The following HMGCLL1 variants were observed in gnomAD, a reference collection of about 807,000 sequenced individuals.
The protein encoded by HMGCLL1 is 3-hydroxymethyl-3-methylglutaryl-CoA lyase, cytoplasmic.
HMGCLL1 carries 36 observed loss-of-function variants against 39.1 expected under a neutral mutation model. That is an observed-to-expected ratio of 0.92 (90% CI 0.71 to 1.22). The LOEUF is 1.22. Ranked by LOEUF, HMGCLL1 falls within the 50% of genes most tolerant of loss-of-function variation. The pLI is 0.00. For synonymous variants in HMGCLL1, 149 were observed against 144.0 expected (o/e 1.03, Z -0.25); for missense variants, 451 against 416.5 (o/e 1.08, Z -0.72).
the HMGCLL1 span, among the ~76,000 whole-genome samples, chr6:55,663,137 A>G: frequency 6.6e-6 from 1 of 150,442 alleles, no homozygotes; most frequent in Non-Finnish European, 1.5e-5. Flanking sequence ...ATACTCCTGA[A>G]CTCATTAATC....
chr6:55,440,619 C>T (rs962025493), intron 7 of HMGCLL1, among the ~76,000 whole-genome samples: 7 of 152,102 alleles, frequency 4.6e-5, no homozygotes, highest in South Asian at 2.1e-4. Flanking sequence ...AAGCCTAATC[C>T]GATTCTTCAC....
At chr6:55,597,209 C>T in the HMGCLL1 span, among the ~76,000 whole-genome samples, 1 of 151,986 alleles carries the variant, frequency 6.6e-6, no homozygotes, top group Non-Finnish European at 1.5e-5. Flanking sequence ...CCATTACAAA[C>T]ATCATGTCAA....
chr6:55,554,775 G>C (rs976722318), intron 1 of HMGCLL1, among the ~76,000 whole-genome samples: 1 of 152,086 alleles, frequency 6.6e-6, no homozygotes, highest in African/African-American at 2.4e-5. Context: ...TTCTAAAACT[G>C]ATACTTAATC....
At chr6:55,511,159 C>T (rs1242494605) in intron 5 of HMGCLL1, among the ~76,000 whole-genome samples, 3 of 151,918 alleles carry the variant, frequency 2.0e-5, no homozygotes, top group Non-Finnish European at 4.4e-5. Context: ...GCCCTCTTAA[C>T]CTTTTACAAT....
chr6:55,665,897 T>C, the HMGCLL1 span, among the ~76,000 whole-genome samples: 1 of 151,860 alleles, frequency 6.6e-6, no homozygotes, highest in South Asian at 2.1e-4. Flanking sequence ...AAAGATAAAA[T>C]GATATACCTA....
rs116332290 is a variant in HMGCLL1, at chr6:55,492,751, C to T, written c.795+2668G>A. On this transcript the variant is annotated intron_variant, in intron 7 of 8. Coordinates refer to ENST00000274901, the MANE Select transcript of HMGCLL1 (RefSeq NM_001042406.2). ...TCTTATCCATGTATTTACACTGTGG[C>T]TATAAATTAAGCCCTGGGGCAATGT... 5.7e-3 allele frequency among the ~76,000 whole-genome samples: 874 copies of T among 152,266 alleles called. 7 individuals are homozygous for T. The highest frequency in any genetic ancestry group is 0.02 in the African/African-American group (818 of 41,560).
In HMGCLL1 at chr6:55,486,331, A is replaced by G. The variant is rs150316957; in HGVS notation, c.795+9088T>C. 4.0e-3 allele frequency among the ~76,000 whole-genome samples: 613 copies of G among 152,176 alleles called. 7 individuals carry two copies. Among genetic ancestry groups the G allele is most frequent in the African/African-American group, 0.014 (569 of 41,538 alleles). ...AACAATAAAGCAGTAGATGTAAAAT[A>G]TAGGTTTCATAGTACACACTATTTT... On this transcript the variant is annotated intron_variant, in intron 7 of 8. Coordinates refer to ENST00000274901, the MANE Select transcript of HMGCLL1 (RefSeq NM_001042406.2).
intron 5 of HMGCLL1, chr6:55,513,397 T>C (rs1195960243): frequency 6.6e-5 from 10 of 152,182 alleles, no homozygotes; most frequent in African/African-American, 2.4e-4. Context: ...CTGATACTCC[T>C]AAATTTATAG....
chr6:55,657,618 T>C, the HMGCLL1 span, among the ~76,000 whole-genome samples: 2 of 152,056 alleles, frequency 1.3e-5, no homozygotes, highest in East Asian at 1.9e-4. Context: ...GTCATGTTCA[T>C]TGTAGCACTA....
the HMGCLL1 span, among the ~76,000 whole-genome samples, chr6:55,641,357 ACCAAAAAGGTGGG>A: frequency 6.6e-6 from 1 of 152,030 alleles, no homozygotes; most frequent in African/African-American, 2.4e-5. Context: ...TGATCTACTG[ACCAAAAAGGTGGG>A]CCCATTTACT....
intron 7 of HMGCLL1, among the ~76,000 whole-genome samples, chr6:55,461,219 AT>A (rs906919076): frequency 5.8e-4 from 88 of 151,530 alleles, no homozygotes; most frequent in Middle Eastern, 3.4e-3. Flanking sequence ...GGAAGTAAAG[AT>A]TTTTTTTTAT....
rs972357600 is a variant in HMGCLL1, at chr6:55,576,948, A to C, written c.108+2000T>G. The stretch of plus-strand genomic sequence containing the variant: ...CAGCTGAACATCTGGACTGGAATTC[A>C]AGAGAAATAGGGGAATGTAAGTCTA... On this transcript the variant is annotated intron_variant, in intron 1 of 8. Transcript: ENST00000274901. The C allele has an allele frequency of 2.4e-6, 3 of 1,254,930 alleles. No individual in the cohort carries two copies. The African/African-American group carries it at 4.4e-5, about 19-fold the overall frequency. The allele number at this position is 1,254,930 out of a possible 1,614,324, so 77.7% of individuals were successfully genotyped here.
At chr6:55,646,301 G>A in the HMGCLL1 span, among the ~76,000 whole-genome samples, 1 of 151,124 alleles carries the variant, frequency 6.6e-6, no homozygotes, top group African/African-American at 2.4e-5. Context: ...TAGTTACTCT[G>A]GCTAAAGTTT....
At chr6:55,453,726 A>C (rs1267801435) in intron 7 of HMGCLL1, among the ~76,000 whole-genome samples, 1 of 152,234 alleles carries the variant, frequency 6.6e-6, no homozygotes, top group African/African-American at 2.4e-5. Flanking sequence ...AGTGCAATAC[A>C]TCCAATCATT....
At chr6:55,576,380 C>A (rs938194225) in intron 1 of HMGCLL1, among the ~76,000 whole-genome samples, 5 of 151,830 alleles carry the variant, frequency 3.3e-5, no homozygotes, top group Admixed American at 2.0e-4. Context: ...GTGGCAAGAA[C>A]AAAAAAGAAT....
At chr6:55,522,938 G>A (rs1768110160) in intron 3 of HMGCLL1, among the ~76,000 whole-genome samples, 1 of 151,834 alleles carries the variant, frequency 6.6e-6, no homozygotes, top group Non-Finnish European at 1.5e-5. Context: ...GTTCAGAGGA[G>A]GATCTAAAAT....
At chr6:55,546,097 A>C (rs953587143) in intron 1 of HMGCLL1, among the ~76,000 whole-genome samples, 1 of 152,154 alleles carries the variant, frequency 6.6e-6, no homozygotes, top group Non-Finnish European at 1.5e-5. Flanking sequence ...ATATTCTCAA[A>C]GAAAGGCAAT....
At chr6:55,575,880 G>C (rs1163547319) in intron 1 of HMGCLL1, among the ~76,000 whole-genome samples, 2 of 152,208 alleles carry the variant, frequency 1.3e-5, no homozygotes, top group African/African-American at 4.8e-5. Flanking sequence ...TGATGCTACA[G>C]TGTGCCAATC....
chr6:55,532,284 C>T (rs1205148187), intron 3 of HMGCLL1, among the ~76,000 whole-genome samples: 8 of 151,954 alleles, frequency 5.3e-5, no homozygotes, highest in South Asian at 2.1e-4. Flanking sequence ...GACAAAAATG[C>T]TTGAATTATA....
Sources: allele counts gnomAD v4.1 joint callset (sites outside exome capture counted in the v4.1 genomes callset), GRCh38; gene constraint gnomAD v4.1.1; transcripts MANE v1.5; gene names NCBI Gene and HGNC (gene_info 2026-07-23, HGNC 2026-07-21).